Variants in DLGAP2 observed in about 807,000 individuals in gnomAD.
DLGAP2 encodes DLG associated protein 2.
A neutral mutation model predicts 100.3 loss-of-function variants in DLGAP2; 26 were observed. The observed-to-expected ratio is 0.26, with a 90% CI of 0.19 to 0.36. DLGAP2 has a LOEUF of 0.36. DLGAP2 is among the 10% of genes least tolerant of loss of function. The pLI is 1.00. For missense variants in DLGAP2, 1,858 were observed against 1,453.2 expected, an observed-to-expected ratio of 1.28 and a Z score of -4.53; for synonymous variants, 886 against 630.1, an observed-to-expected ratio of 1.41 and a Z score of -6.08.
At chr8:927,781 C>A (rs1195715760) in intron 2 of DLGAP2, among the ~76,000 whole-genome samples, 4 of 151,914 alleles carry the variant, frequency 2.6e-5, no homozygotes, top group African/African-American at 9.7e-5. Flanking sequence ...CTTGGTCGTT[C>A]CTGGAGATTA....
At chr8:1,246,519 C>G (rs1798904710) in intron 2 of DLGAP2, among the ~76,000 whole-genome samples, 1 of 152,232 alleles carries the variant, frequency 6.6e-6, no homozygotes, top group Non-Finnish European at 1.5e-5. Context: ...GGGAATTCAT[C>G]ATGCTCTTCT....
chr8:848,940 T>C (rs535498749), intron 1 of DLGAP2, among the ~76,000 whole-genome samples: 2 of 150,960 alleles, frequency 1.3e-5, no homozygotes, highest in Non-Finnish European at 2.9e-5. Flanking sequence ...TGTTCCAGCA[T>C]AGGAACGCGC....
intron 1 of DLGAP2, among the ~76,000 whole-genome samples, chr8:888,118 C>A (rs559593521): frequency 6.6e-6 from 1 of 152,214 alleles, no homozygotes; most frequent in South Asian, 2.1e-4. Flanking sequence ...GGTCTGTATG[C>A]CTTATTTCAG....
At position 1,351,994 on chromosome 8, in the gene DLGAP2, G is replaced by A. The variant is rs1328310906; in HGVS notation, c.106+93111G>A. Among the ~76,000 whole-genome samples, 17 of 74,756 alleles carry A rather than the reference G, an allele frequency of 2.3e-4. 1 individual carries two copies. The highest frequency in any genetic ancestry group is 6.6e-4 in the African/African-American group (17 of 25,726). The allele number at this position is 74,756 out of a possible 152,430, so 49.0% of individuals were successfully genotyped here. A position where few individuals can be genotyped will look rare whatever the true frequency, so the allele number is the denominator to read the frequency against. ...TGGAAACGCCGTGCGGGTCCTGACTGTGTGTGGAAAGGCCGTGCGGATCCT... is the reference window on the plus strand; with the variant it reads ...TGGAAACGCCGTGCGGGTCCTGACTATGTGTGGAAAGGCCGTGCGGATCCT... On this transcript the variant is annotated intron_variant, in intron 3 of 14. Transcript: ENST00000637795.
chr8:1,606,014 C>T (rs1316506958), intron 6 of DLGAP2, among the ~76,000 whole-genome samples: 2 of 152,138 alleles, frequency 1.3e-5, no homozygotes, highest in African/African-American at 2.4e-5. Context: ...GAATCATAAC[C>T]AGCACCAAAT....
chr8:1,162,395 A>G (rs1796910228), intron 2 of DLGAP2, among the ~76,000 whole-genome samples: 1 of 152,218 alleles, frequency 6.6e-6, no homozygotes, highest in African/African-American at 2.4e-5. Context: ...TAGAAGAGAA[A>G]GAATATTGTT....
chr8:979,636 A>G (rs1800272125), intron 2 of DLGAP2, among the ~76,000 whole-genome samples: 1 of 152,216 alleles, frequency 6.6e-6, no homozygotes, highest in Non-Finnish European at 1.5e-5. Flanking sequence ...TTGAAATGAG[A>G]ACTGCCCTCT....
At chr8:1,299,783 G>T (rs1195330134) in intron 3 of DLGAP2, 2 of 152,120 alleles carry the variant, frequency 1.3e-5, no homozygotes, top group Admixed American at 6.5e-5. Flanking sequence ...TTTAAAGGAG[G>T]TCAAGAATGG....
chr8:1,301,898 G>C (rs1036907821), intron 3 of DLGAP2: 1 of 152,426 alleles, frequency 6.6e-6, no homozygotes, highest in East Asian at 1.9e-4. Context: ...TGCCGCAAGG[G>C]TTCTGCCAAG....
chr8:985,846 C>A (rs1296783224), intron 2 of DLGAP2, among the ~76,000 whole-genome samples: 1 of 152,190 alleles, frequency 6.6e-6, no homozygotes, highest in Admixed American at 6.5e-5. Context: ...GGCACAGGAG[C>A]TGCCCATTTG....
intron 3 of DLGAP2, among the ~76,000 whole-genome samples, chr8:1,472,207 G>A (rs1798822230): frequency 6.6e-6 from 1 of 152,168 alleles, no homozygotes; most frequent in South Asian, 2.1e-4. Context: ...TGCAGCAGGA[G>A]GGATGCCTGC....
chr8:1,637,511 CA>C (rs1365387415), intron 8 of DLGAP2, among the ~76,000 whole-genome samples: 1 of 151,814 alleles, frequency 6.6e-6, no homozygotes, highest in African/African-American at 2.4e-5. Context: ...ACAAAGGCAA[CA>C]AAAAGCTGCG....
intron 6 of DLGAP2, among the ~76,000 whole-genome samples, chr8:1,582,928 G>A (rs1795991565): frequency 6.6e-6 from 1 of 152,168 alleles, no homozygotes; most frequent in Non-Finnish European, 1.5e-5. Context: ...CAGTGAGAGG[G>A]AGGGCTGCAT....
intron 2 of DLGAP2, among the ~76,000 whole-genome samples, chr8:1,148,732 T>G (rs1454827914): frequency 6.6e-6 from 1 of 152,212 alleles, no homozygotes; most frequent in Non-Finnish European, 1.5e-5. Context: ...TCTAGTTAGC[T>G]TTTCATTATT....
At chr8:1,195,384 G>A (rs1229263870) in intron 2 of DLGAP2, among the ~76,000 whole-genome samples, 1 of 152,216 alleles carries the variant, frequency 6.6e-6, no homozygotes, top group Non-Finnish European at 1.5e-5. Context: ...GGTCAGAGAC[G>A]GAGGATATAT....
rs370527341 is a variant in DLGAP2, at chr8:946,514, T to C, written c.73+38548T>C. On this transcript the variant is annotated intron_variant, in intron 2 of 14. Coordinates refer to ENST00000637795, the MANE Select transcript of DLGAP2 (RefSeq NM_001346810.2). ...TCCTGACCTTGTGATCTGCCCGCCT[T>C]GGCCTCCCAAAGTGCTGGGATTACA... Among the ~76,000 whole-genome samples the C allele has an allele frequency of 1.7e-3, 253 of 152,134 alleles. 4 individuals are homozygous for C. In the South Asian group the frequency reaches 0.018, roughly 11 times the overall value.
chr8:1,128,761 A>T (rs1385124959), intron 2 of DLGAP2, among the ~76,000 whole-genome samples: 1 of 152,202 alleles, frequency 6.6e-6, no homozygotes, highest in Non-Finnish European at 1.5e-5. Flanking sequence ...GTGACTTTTT[A>T]TGAGGGTCCT....
At chr8:1,481,288 C>G (rs1344109526) in intron 3 of DLGAP2, among the ~76,000 whole-genome samples, 1 of 152,044 alleles carries the variant, frequency 6.6e-6, no homozygotes. Context: ...TGTACAAGGC[C>G]ATTAAAACAA....
chr8:1,547,525 G>A (rs376973693), intron 4 of DLGAP2, among the ~76,000 whole-genome samples: 1 of 152,072 alleles, frequency 6.6e-6, no homozygotes, highest in Non-Finnish European at 1.5e-5. Context: ...GGTTGAGGGG[G>A]GCCTGCCAGA....
Sources: allele counts gnomAD v4.1 joint callset (sites outside exome capture counted in the v4.1 genomes callset), GRCh38; gene constraint gnomAD v4.1.1; transcripts MANE v1.5; gene names NCBI Gene and HGNC (gene_info 2026-07-23, HGNC 2026-07-21).